The following TMEM178B variants were observed in gnomAD, a reference collection of about 807,000 sequenced individuals.
The protein encoded by TMEM178B is transmembrane protein 178B.
Under a neutral mutation model 31.0 loss-of-function variants are expected in TMEM178B, and 5 were observed. The ratio of observed to expected loss-of-function variants is 0.16; its 90% confidence interval spans 0.08 to 0.34. The LOEUF is 0.34. TMEM178B is among the 10% of genes least tolerant of loss of function. The pLI is 1.00. For synonymous variants in TMEM178B, 164 were observed against 164.0 expected (o/e 1.00, Z 0.00); for missense variants, 275 against 400.3 (o/e 0.69, Z 2.67).
chr7:141,195,313 A>G (rs1017824162), intron 1 of TMEM178B, among the ~76,000 whole-genome samples: 1 of 152,102 alleles, frequency 6.6e-6, no homozygotes, highest in Non-Finnish European at 1.5e-5. Flanking sequence ...TACCCAAGTC[A>G]CCTCTTGAAT....
intron 2 of TMEM178B, among the ~76,000 whole-genome samples, chr7:141,228,055 C>A (rs1797375039): frequency 6.6e-6 from 1 of 152,158 alleles, no homozygotes; most frequent in Non-Finnish European, 1.5e-5. Flanking sequence ...CACACACACA[C>A]ACATGCACAC....
chr7:141,389,491 C>T (rs1459227390), intron 2 of TMEM178B, among the ~76,000 whole-genome samples: 4 of 152,170 alleles, frequency 2.6e-5, no homozygotes, highest in African/African-American at 9.7e-5. Context: ...AAAGAAAGAG[C>T]AGTGATAGCT....
At chr7:141,279,425 TG>T (rs1356510873) in intron 2 of TMEM178B, among the ~76,000 whole-genome samples, 1 of 152,224 alleles carries the variant, frequency 6.6e-6, no homozygotes, top group Non-Finnish European at 1.5e-5. Context: ...ACTCCTTTTA[TG>T]AGAGGATTTT....
chr7:141,332,228 G>A (rs1799311550), intron 2 of TMEM178B, among the ~76,000 whole-genome samples: 2 of 152,184 alleles, frequency 1.3e-5, no homozygotes, highest in African/African-American at 2.4e-5. Context: ...CAGTTATTCA[G>A]ATTCACATTC....
intron 1 of TMEM178B, among the ~76,000 whole-genome samples, chr7:141,193,752 A>G (rs1002525622): frequency 2.0e-5 from 3 of 152,310 alleles, no homozygotes; most frequent in Admixed American, 2.0e-4. Flanking sequence ...GACAAGCACA[A>G]CAGCCCCAGC....
chr7:141,133,820 C>T (rs912428634), intron 1 of TMEM178B, among the ~76,000 whole-genome samples: 2 of 152,128 alleles, frequency 1.3e-5, no homozygotes, highest in African/African-American at 4.8e-5. Context: ...ACAAAGAATT[C>T]TGAAAAATAA....
At chr7:141,352,499 CT>C (rs1799749403) in intron 2 of TMEM178B, 16 of 152,174 alleles carry the variant, frequency 1.1e-4, no homozygotes, top group Admixed American at 1.0e-3. Flanking sequence ...TGCCTCAGCC[CT>C]CCTGAGTAGC....
At chr7:141,126,984 C>A (rs898516472) in intron 1 of TMEM178B, among the ~76,000 whole-genome samples, 1 of 151,972 alleles carries the variant, frequency 6.6e-6, no homozygotes, top group African/African-American at 2.4e-5. Context: ...GCAACAGATG[C>A]AGCTCTAACA....
At chr7:141,458,201 C>T (rs1802001181) in intron 3 of TMEM178B, among the ~76,000 whole-genome samples, 1 of 152,166 alleles carries the variant, frequency 6.6e-6, no homozygotes, top group Admixed American at 6.5e-5. Flanking sequence ...CTCACTGCAA[C>T]CTTCGTCTCC....
intron 2 of TMEM178B, among the ~76,000 whole-genome samples, chr7:141,241,590 CAAA>C (rs766018973): frequency 2.8e-4 from 21 of 75,960 alleles, no homozygotes; most frequent in African/African-American, 9.5e-4. Context: ...GACTTCGTCT[CAAA>C]AAAAAAAAAA....
intron 1 of TMEM178B, among the ~76,000 whole-genome samples, chr7:141,164,179 T>C (rs1004919341): frequency 6.6e-5 from 10 of 152,228 alleles, no homozygotes; most frequent in African/African-American, 2.4e-4. Context: ...AAATGCATCA[T>C]TTTTAATATG....
At chr7:141,154,789 G>A (rs969192169) in intron 1 of TMEM178B, among the ~76,000 whole-genome samples, 1 of 151,492 alleles carries the variant, frequency 6.6e-6, no homozygotes, top group African/African-American at 2.4e-5. Flanking sequence ...GAGTGCAATG[G>A]TGCAATCTTG....
chr7:141,160,054 TAA>T (rs1796142778), intron 1 of TMEM178B, among the ~76,000 whole-genome samples: 1 of 66,404 alleles, frequency 1.5e-5, no homozygotes, highest in Non-Finnish European at 2.9e-5. Context: ...AATCAATATA[TAA>T]TATATATATA....
intron 1 of TMEM178B, among the ~76,000 whole-genome samples, chr7:141,184,065 G>A (rs1796571606): frequency 6.6e-6 from 1 of 152,192 alleles, no homozygotes; most frequent in East Asian, 1.9e-4. Flanking sequence ...TTTCTTGGGG[G>A]ATTCCTCTCC....
intron 1 of TMEM178B, among the ~76,000 whole-genome samples, chr7:141,161,050 T>A (rs868137794): frequency 1.3e-5 from 2 of 152,020 alleles, no homozygotes; most frequent in Non-Finnish European, 2.9e-5. Flanking sequence ...AGAGATGGGG[T>A]TTCACCACGT....
the TMEM178B span, among the ~76,000 whole-genome samples, chr7:141,489,664 C>T: frequency 1.3e-5 from 2 of 152,076 alleles, no homozygotes; most frequent in African/African-American, 2.4e-5. Context: ...CTCTCCTCCC[C>T]GCTGCCACAG....
At chr7:141,446,278 G>C (rs75603824) in intron 3 of TMEM178B, among the ~76,000 whole-genome samples, 2 of 152,188 alleles carry the variant, frequency 1.3e-5, no homozygotes, top group Non-Finnish European at 2.9e-5. Context: ...GTTCAGAAGA[G>C]AACAGGGAGC....
At chr7:141,113,900 G>C (rs183271459) in intron 1 of TMEM178B, among the ~76,000 whole-genome samples, 1 of 152,178 alleles carries the variant, frequency 6.6e-6, no homozygotes, top group African/African-American at 2.4e-5. Context: ...CAGGGGAGAA[G>C]GTTATTTAGA....
At chr7:141,341,755 A>G (rs1799519185) in intron 2 of TMEM178B, among the ~76,000 whole-genome samples, 1 of 136,278 alleles carries the variant, frequency 7.3e-6, no homozygotes, top group African/African-American at 3.0e-5. Flanking sequence ...TTTTAACTAG[A>G]AAAAAAAAAA....
Sources: gnomAD v4.1 joint callset for allele counts (sites outside exome capture counted in the v4.1 genomes callset) on GRCh38, gnomAD v4.1.1 for gene constraint, MANE v1.5 for transcripts, NCBI Gene and HGNC (gene_info 2026-07-23, HGNC 2026-07-21) for gene names.